Variants in LARGE1 observed in about 807,000 individuals in gnomAD.
The protein encoded by LARGE1 is LARGE xylosyl- and glucuronyltransferase 1, also known as xylosyl- and glucuronyltransferase LARGE1.
LARGE1 carries 43 observed loss-of-function variants against 87.6 expected under a neutral mutation model. That is an observed-to-expected ratio of 0.49 (90% CI 0.38 to 0.63). LARGE1 has a LOEUF of 0.63. LARGE1 is among the 30% of genes least tolerant of loss of function. The probability of loss-of-function intolerance (pLI) is 0.00; values close to 1 mark genes in which losing one functional copy is unlikely to be tolerated. For missense variants in LARGE1, 802 were observed against 1,000.2 expected (o/e 0.80, Z 2.67); for synonymous variants, 434 against 394.6 (o/e 1.10, Z -1.18).
chr22:33,872,471 G>A (rs915124498), intron 1 of LARGE1, among the ~76,000 whole-genome samples: 3 of 151,326 alleles, frequency 2.0e-5, no homozygotes, highest in Non-Finnish European at 4.4e-5. Flanking sequence ...GCTATCCATC[G>A]TCATCACCAG....
At chr22:33,276,601 C>T (rs1929343801) in intron 14 of LARGE1, among the ~76,000 whole-genome samples, 1 of 152,210 alleles carries the variant, frequency 6.6e-6, no homozygotes, top group African/African-American at 2.4e-5. Context: ...TGATTAAACA[C>T]AGTCTCAAAG....
chr22:33,426,293 A>G (rs1442167925), intron 7 of LARGE1, among the ~76,000 whole-genome samples: 1 of 152,208 alleles, frequency 6.6e-6, no homozygotes, highest in Non-Finnish European at 1.5e-5. Context: ...ACAGTTTTCT[A>G]CCCTACCCTT....
rs114979043 is a variant in LARGE1 at position 33,650,416 on chromosome 22, G to A, written c.359C>T (p.Ala120Val). The A allele has an allele frequency of 6.2e-7, 1 of 1,614,114 alleles. No individual in the cohort carries two copies. Among genetic ancestry groups the A allele is most frequent in the Non-Finnish European group, 8.5e-7 (1 of 1,180,032 alleles). Residue 120 changes from alanine to valine, a missense_variant, in exon 3 of 15, where the codon GCA (alanine) becomes GTA (valine). Physicochemically the swap from Ala to Val is moderately conservative, Grantham distance 64. Coordinates refer to ENST00000397394, the MANE Select transcript of LARGE1 (RefSeq NM_133642.5). Reference protein sequence around the residue: ...DSENLRAGIVAGNSSECGQQP... With the variant: ...DSENLRAGIVVGNSSECGQQP... Reference sequence around the variant, plus strand: ...CTGCCCACACTCGGAGCTGTTGCCTGCCACGATGCCAGCCCGAAGGTTCTC... The same window carrying A: ...CTGCCCACACTCGGAGCTGTTGCCTACCACGATGCCAGCCCGAAGGTTCTC...
intron 6 of LARGE1, among the ~76,000 whole-genome samples, chr22:33,471,958 G>C (rs2068860517): frequency 6.6e-6 from 1 of 152,142 alleles, no homozygotes; most frequent in South Asian, 2.1e-4. Flanking sequence ...GCTGAGGCAG[G>C]AGAATTGTTT....
At chr22:33,841,545 G>T (rs1283662355) in intron 1 of LARGE1, among the ~76,000 whole-genome samples, 5 of 152,178 alleles carry the variant, frequency 3.3e-5, no homozygotes, top group Non-Finnish European at 7.3e-5. Context: ...CTGAGTTCAA[G>T]GCCAGTGGGA....
At chr22:33,805,352 A>G (rs1419714986) in intron 1 of LARGE1, among the ~76,000 whole-genome samples, 4 of 152,106 alleles carry the variant, frequency 2.6e-5, no homozygotes, top group Non-Finnish European at 5.9e-5. Flanking sequence ...CAAGTCAGTA[A>G]CCAAAGAGAT....
intron 2 of LARGE1, among the ~76,000 whole-genome samples, chr22:33,758,488 C>T (rs2084605117): frequency 6.6e-6 from 1 of 152,218 alleles, no homozygotes; most frequent in Non-Finnish European, 1.5e-5. Context: ...CCAGCCCCTA[C>T]TAAATGCAGC....
In LARGE1 at chr22:33,273,728, C is replaced by T. The variant is rs760092745; in HGVS notation, c.*699G>A. On this transcript the variant is annotated 3_prime_UTR_variant, in exon 15 of 15. Transcript: ENST00000397394. ...GCTGATAGAGGGTGGTTGGTAGAGG[C>T]AGCTGATTTTCCTTTAGAGCCTCAA... is the stretch of plus-strand genomic sequence containing the variant. 1.7e-4 allele frequency: 69 copies of T among 398,432 alleles called. No individual in the cohort carries two copies. Among genetic ancestry groups the T allele is most frequent in the Middle Eastern group, 1.3e-3 (2 of 1,584 alleles). 24.7% of individuals were successfully genotyped at this position (398,432 alleles called of 1,614,324 possible). A position where few individuals can be genotyped will look rare whatever the true frequency, so the allele number is the denominator to read the frequency against.
chr22:33,509,430 G>C (rs2070940367), intron 6 of LARGE1, among the ~76,000 whole-genome samples: 2 of 151,208 alleles, frequency 1.3e-5, no homozygotes, highest in African/African-American at 4.9e-5. Context: ...ATGTTTAATA[G>C]AGTCCTCTAT....
chr22:33,486,019 C>A (rs781109158), intron 6 of LARGE1, among the ~76,000 whole-genome samples: 1 of 152,208 alleles, frequency 6.6e-6, no homozygotes, highest in African/African-American at 2.4e-5. Context: ...GTAAATAACT[C>A]TTAGAGACAA....
the LARGE1 span, among the ~76,000 whole-genome samples, chr22:33,112,918 G>A: frequency 6.6e-6 from 1 of 152,284 alleles, no homozygotes; most frequent in African/African-American, 2.4e-5. Flanking sequence ...CAATCATCAT[G>A]TCAGGAGGGC....
At chr22:33,730,692 T>A (rs1201869664) in intron 2 of LARGE1, among the ~76,000 whole-genome samples, 1 of 152,124 alleles carries the variant, frequency 6.6e-6, no homozygotes, top group African/African-American at 2.4e-5. Flanking sequence ...ATTTTTATTA[T>A]AATTACTTTT....
chr22:33,793,394 G>A (rs1463887244), intron 1 of LARGE1, among the ~76,000 whole-genome samples: 1 of 152,134 alleles, frequency 6.6e-6, no homozygotes, highest in African/African-American at 2.4e-5. Flanking sequence ...TGCCCACCAG[G>A]ACTGAGTGGG....
At chr22:33,809,285 C>T (rs917780971) in intron 1 of LARGE1, among the ~76,000 whole-genome samples, 1 of 139,548 alleles carries the variant, frequency 7.2e-6, no homozygotes, top group Non-Finnish European at 1.6e-5. Context: ...AAAAAAAAAT[C>T]AGGTCCTGTG....
At chr22:33,497,081 T>C (rs1484889201) in intron 6 of LARGE1, among the ~76,000 whole-genome samples, 3 of 150,724 alleles carry the variant, frequency 2.0e-5, no homozygotes, top group Non-Finnish European at 3.0e-5. Flanking sequence ...CTTTTTTTTT[T>C]TTTTTTCTTG....
chr22:33,396,904 T>G (rs1464467842), intron 7 of LARGE1, among the ~76,000 whole-genome samples: 1 of 152,206 alleles, frequency 6.6e-6, no homozygotes, highest in African/African-American at 2.4e-5. Flanking sequence ...CAACAAAAAC[T>G]TGCAGAGTAC....
chr22:33,578,973 A>T (rs2078432692), intron 5 of LARGE1, among the ~76,000 whole-genome samples: 1 of 152,210 alleles, frequency 6.6e-6, no homozygotes, highest in African/African-American at 2.4e-5. Flanking sequence ...AGTGGCCAGT[A>T]ACGCTCTACT....
intron 10 of LARGE1, among the ~76,000 whole-genome samples, chr22:33,326,669 C>T (rs1467998731): frequency 6.6e-6 from 1 of 152,070 alleles, no homozygotes; most frequent in Admixed American, 6.5e-5. Context: ...ATCTACTGCA[C>T]AAGTAAGAGA....
the LARGE1 span, among the ~76,000 whole-genome samples, chr22:33,149,232 C>T: frequency 6.6e-5 from 10 of 151,534 alleles, no homozygotes; most frequent in Admixed American, 2.6e-4. Flanking sequence ...TTAGTAGAGA[C>T]GGGGTTTCAC....
Sources: allele counts gnomAD v4.1 joint callset (sites outside exome capture counted in the v4.1 genomes callset), GRCh38; gene constraint gnomAD v4.1.1; transcripts MANE v1.5; gene names NCBI Gene and HGNC (gene_info 2026-07-23, HGNC 2026-07-21).